NALCN: variants seen among roughly 807,000 people sequenced by gnomAD.
NALCN encodes sodium leak channel NALCN.
Under a neutral mutation model 225.3 loss-of-function variants are expected in NALCN, and 111 were observed. That is an observed-to-expected ratio of 0.49 (90% CI 0.42 to 0.58). The LOEUF is 0.58. Among genes scored for constraint, NALCN ranks in the 20% least tolerant of loss-of-function variants. The probability of loss-of-function intolerance (pLI) is 0.00; values close to 1 mark genes in which losing one functional copy is unlikely to be tolerated. For synonymous variants in NALCN, 764 were observed against 769.0 expected (o/e 0.99, Z 0.11); for missense variants, 1,378 against 2,202.4 (o/e 0.63, Z 7.49).
intron 17 of NALCN, among the ~76,000 whole-genome samples, chr13:101,136,314 A>ATTTATTTATTTATTTATTTATTTATT (rs61142230): frequency 4.0e-5 from 3 of 74,158 alleles, no homozygotes; most frequent in African/African-American, 8.7e-5. Context: ...TTATTTATTT[A>ATTTATTTATTTATTTATTTATTTATT]TATATTATAC....
At chr13:101,188,827 C>T (rs1252815464) in intron 14 of NALCN, among the ~76,000 whole-genome samples, 1 of 151,910 alleles carries the variant, frequency 6.6e-6, no homozygotes, top group East Asian at 1.9e-4. Context: ...GCTGGGCTTA[C>T]AGGTGCTCAC....
At chr13:101,415,206 C>CATATATATATATATATATATATGT (rs1278371508) in intron 1 of NALCN, among the ~76,000 whole-genome samples, 2 of 104,810 alleles carry the variant, frequency 1.9e-5, no homozygotes, top group South Asian at 5.6e-4. Flanking sequence ...ACAAATCACA[C>CATATATATATATATATATATATGT]ACATATATAT....
chr13:101,077,783 C>T (rs1056075118), intron 34 of NALCN, among the ~76,000 whole-genome samples: 8 of 152,186 alleles, frequency 5.3e-5, no homozygotes, highest in Admixed American at 2.0e-4. Flanking sequence ...GGACTGAATG[C>T]TAATCACCAG....
chr13:101,138,799 C>T (rs1396385090), intron 17 of NALCN, among the ~76,000 whole-genome samples: 4 of 152,312 alleles, frequency 2.6e-5, no homozygotes, highest in Non-Finnish European at 4.4e-5. Flanking sequence ...CTTTATTAAT[C>T]ACCACTCTGC....
At chr13:101,283,120 C>A (rs1049946874) in intron 10 of NALCN, among the ~76,000 whole-genome samples, 35 of 152,146 alleles carry the variant, frequency 2.3e-4, no homozygotes, top group African/African-American at 8.0e-4. Flanking sequence ...GTGGAAGAAT[C>A]AATTCTCCGG....
chr13:101,106,627 C>T (rs1022964616), intron 22 of NALCN, among the ~76,000 whole-genome samples: 7 of 152,120 alleles, frequency 4.6e-5, no homozygotes, highest in African/African-American at 9.7e-5. Context: ...ATCATGGGGG[C>T]GGTTCCCCCA....
At position 101,256,849 on chromosome 13, in the gene NALCN, C is replaced by T. The variant is rs913373676; in HGVS notation, c.1266+1594G>A. On this transcript the variant is annotated intron_variant, in intron 11 of 43. Coordinates refer to ENST00000251127, the MANE Select transcript of NALCN (RefSeq NM_052867.4). ...TGCGCTCTTGGCTCACTGCAACCTC[C>T]GCCTCCCAGGTTCAAGTGATTCTCC... Among the ~76,000 whole-genome samples, 6 of 151,384 alleles carry T rather than the reference C, an allele frequency of 4.0e-5. No individual in the cohort carries two copies. The South Asian group carries it at 1.0e-3, about 26-fold the overall frequency.
chr13:101,226,106 A>G (rs2041131312), intron 13 of NALCN, among the ~76,000 whole-genome samples: 1 of 151,970 alleles, frequency 6.6e-6, no homozygotes, highest in African/African-American at 2.4e-5. Flanking sequence ...AAACACCACC[A>G]TTTTAAGTTC....
chr13:101,356,290 A>C (rs1390360235), intron 6 of NALCN, among the ~76,000 whole-genome samples: 2 of 152,122 alleles, frequency 1.3e-5, no homozygotes, highest in Non-Finnish European at 2.9e-5. Flanking sequence ...AAATAGATAG[A>C]CAGACTGCTA....
chr13:101,225,749 A>G (rs1013875520), intron 13 of NALCN, among the ~76,000 whole-genome samples: 6 of 152,202 alleles, frequency 3.9e-5, no homozygotes, highest in African/African-American at 1.4e-4. Context: ...GAAAGGGCTA[A>G]AACGTGAAAG....
chr13:101,117,084 T>C (rs1175272999), intron 18 of NALCN: 1 of 417,312 alleles, frequency 2.4e-6, no homozygotes. Flanking sequence ...CCTGAGTAAA[T>C]GGATCTGGCT....
At position 101,277,986 on chromosome 13, in the gene NALCN, G is replaced by A. The variant is rs536690581; in HGVS notation, c.1134+5947C>T. On this transcript the variant is annotated intron_variant, in intron 10 of 43. Transcript: ENST00000251127. ...TTCTCTTTTACAAGATGGGTAGGAC[G>A]TGTGGGTTTTTATGTAAAATACTCT... Among the ~76,000 whole-genome samples, 555 of 152,274 alleles carry A rather than the reference G, an allele frequency of 3.6e-3. 6 individuals are homozygous for A. Among genetic ancestry groups the A allele is most frequent in the Non-Finnish European group, 6.3e-3 (429 of 68,032 alleles).
At chr13:101,380,892 A>ACACACACC (rs1555344222) in intron 3 of NALCN, among the ~76,000 whole-genome samples, 1 of 149,750 alleles carries the variant, frequency 6.7e-6, no homozygotes, top group African/African-American at 2.5e-5. Context: ...ACACACACAC[A>ACACACACC]CCACCATCAC....
intron 17 of NALCN, among the ~76,000 whole-genome samples, chr13:101,128,095 A>G (rs2036328128): frequency 6.6e-6 from 1 of 152,222 alleles, no homozygotes; most frequent in African/African-American, 2.4e-5. Context: ...CTGGATGTAA[A>G]CATATCAGAG....
intron 2 of NALCN, among the ~76,000 whole-genome samples, chr13:101,397,069 TATATATATA>T (rs2047317491): frequency 9.7e-5 from 6 of 61,696 alleles, no homozygotes; most frequent in African/African-American, 2.5e-4. Context: ...GAATGTATTA[TATATATATA>T]TATATATATA....
Position 101,350,150 on chromosome 13 carries a change from A to G in NALCN, c.645-4730T>C, listed in dbSNP as rs551808330. 3.3e-5 allele frequency among the ~76,000 whole-genome samples: 5 copies of G among 152,252 alleles called. No individual in the cohort carries two copies. In the South Asian group the frequency reaches 8.3e-4, roughly 25 times the overall value. Reference sequence around the variant, plus strand: ...TTCTGATACATTTGGCACAAAGCATATGGAGAGACCCTTCATAATCACTGT... The same window carrying G: ...TTCTGATACATTTGGCACAAAGCATGTGGAGAGACCCTTCATAATCACTGT... On this transcript the variant is annotated intron_variant, in intron 6 of 43. Coordinates refer to ENST00000251127, the MANE Select transcript of NALCN (RefSeq NM_052867.4).
intron 19 of NALCN, 103 bp downstream of exon 19, chr13:101,111,022 G>A (rs2035399552): frequency 8.5e-7 from 1 of 1,174,342 alleles, no homozygotes; most frequent in Non-Finnish European, 1.2e-6. Context: ...AGCCATGCCT[G>A]TCTGGCAGCC....
chr13:101,388,522 G>A (rs961993662), intron 3 of NALCN, among the ~76,000 whole-genome samples: 3 of 152,104 alleles, frequency 2.0e-5, no homozygotes, highest in Non-Finnish European at 2.9e-5. Flanking sequence ...TTTTGAAAAC[G>A]ATTTGGTCCT....
chr13:101,056,715 G>GTAAC (rs1464813298), intron 43 of NALCN, among the ~76,000 whole-genome samples: 1 of 152,090 alleles, frequency 6.6e-6, no homozygotes, highest in African/African-American at 2.4e-5. Flanking sequence ...TCACACCACG[G>GTAAC]TAACTTCCTC....
Sources: allele counts gnomAD v4.1 joint callset (sites outside exome capture counted in the v4.1 genomes callset), GRCh38; gene constraint gnomAD v4.1.1; transcripts MANE v1.5; gene names NCBI Gene and HGNC (gene_info 2026-07-23, HGNC 2026-07-21).